Variants in CNBD1 observed in about 807,000 individuals in gnomAD.
The protein encoded by CNBD1 is cyclic nucleotide binding domain containing 1.
CNBD1 carries 71 observed loss-of-function variants against 54.4 expected under a neutral mutation model. The ratio of observed to expected loss-of-function variants is 1.30; its 90% CI spans 1.08 to 1.59. The LOEUF (loss-of-function observed/expected upper bound fraction) is 1.59, where lower values mean the gene tolerates loss of function less well. Among genes scored for constraint, CNBD1 ranks in the 40% most tolerant of loss-of-function variants. The probability of loss-of-function intolerance (pLI) is 0.00; values close to 1 mark genes in which losing one functional copy is unlikely to be tolerated. For synonymous variants in CNBD1, 182 were observed against 170.7 expected (o/e 1.07, Z -0.51); for missense variants, 659 against 518.0 (o/e 1.27, Z -2.64).
intron 2 of CNBD1, among the ~76,000 whole-genome samples, chr8:87,405,554 C>A (rs1456522072): frequency 1.3e-5 from 2 of 152,038 alleles, no homozygotes; most frequent in Non-Finnish European, 2.9e-5. Flanking sequence ...CTGCCTAAGA[C>A]AAGGTTACCA....
At chr8:86,977,892 T>C (rs1808378098) in intron 4 of CNBD1, among the ~76,000 whole-genome samples, 1 of 152,096 alleles carries the variant, frequency 6.6e-6, no homozygotes, top group Non-Finnish European at 1.5e-5. Flanking sequence ...AAGAGATGAG[T>C]ATTATCATGA....
chr8:87,039,074 A>AAAGAAAAGAGG (rs1489372597), intron 4 of CNBD1, among the ~76,000 whole-genome samples: 23 of 152,172 alleles, frequency 1.5e-4, no homozygotes, highest in African/African-American at 5.5e-4. Context: ...CAAAACTGTA[A>AAAGAAAAGAGG]TGACCTCTTT....
intron 4 of CNBD1, among the ~76,000 whole-genome samples, chr8:87,125,605 T>G (rs529903990): frequency 2.1e-4 from 32 of 152,038 alleles, no homozygotes; most frequent in African/African-American, 7.5e-4. Context: ...TTTAAATTAC[T>G]GAAGTTCCTC....
At chr8:87,235,298 C>T (rs1166754480) in intron 5 of CNBD1, among the ~76,000 whole-genome samples, 2 of 152,152 alleles carry the variant, frequency 1.3e-5, no homozygotes, top group Non-Finnish European at 2.9e-5. Flanking sequence ...TTTGCATTCA[C>T]AACTTGGCTT....
chr8:87,355,577 G>T (rs1004945476), intron 10 of CNBD1, among the ~76,000 whole-genome samples: 2 of 152,212 alleles, frequency 1.3e-5, no homozygotes, highest in East Asian at 3.9e-4. Context: ...ATGAATAGAA[G>T]CTAATAAGTT....
intron 4 of CNBD1, among the ~76,000 whole-genome samples, chr8:87,054,477 A>C (rs1329871905): frequency 6.6e-6 from 1 of 152,368 alleles, no homozygotes; most frequent in South Asian, 2.1e-4. Context: ...CCCTGTTTCA[A>C]GAAAATCACA....
At chr8:87,212,108 T>G (rs1344969767) in intron 5 of CNBD1, among the ~76,000 whole-genome samples, 1 of 152,104 alleles carries the variant, frequency 6.6e-6, no homozygotes, top group Non-Finnish European at 1.5e-5. Flanking sequence ...ATTAAGAAAT[T>G]CAGTTCAATT....
chr8:87,179,476 G>A (rs891362015), intron 4 of CNBD1, among the ~76,000 whole-genome samples: 3 of 151,850 alleles, frequency 2.0e-5, no homozygotes, highest in Non-Finnish European at 4.4e-5. Flanking sequence ...TAAATAAAAG[G>A]AAAACATGGT....
At chr8:87,307,508 C>T (rs1809180514) in intron 8 of CNBD1, among the ~76,000 whole-genome samples, 2 of 152,084 alleles carry the variant, frequency 1.3e-5, no homozygotes, top group African/African-American at 4.8e-5. Context: ...GAGGCTGAGG[C>T]AGGTGGATCA....
intron 4 of CNBD1, among the ~76,000 whole-genome samples, chr8:86,977,648 T>C (rs1327893492): frequency 6.6e-6 from 1 of 152,084 alleles, no homozygotes; most frequent in Non-Finnish European, 1.5e-5. Context: ...ATTCATCAGA[T>C]AAATTCCTGG....
chr8:87,372,737 G>A (rs1162388008), intron 10 of CNBD1, among the ~76,000 whole-genome samples: 2 of 151,724 alleles, frequency 1.3e-5, no homozygotes, highest in Non-Finnish European at 2.9e-5. Context: ...ATGTGGCAAC[G>A]TTCTTAATAA....
chr8:86,946,825 A>T (rs1387843005), intron 4 of CNBD1, among the ~76,000 whole-genome samples: 1 of 152,174 alleles, frequency 6.6e-6, no homozygotes, highest in Non-Finnish European at 1.5e-5. Flanking sequence ...GTACAAAAAT[A>T]TTACTTGCCT....
chr8:87,026,591 G>A (rs1653470826), intron 4 of CNBD1, among the ~76,000 whole-genome samples: 1 of 151,912 alleles, frequency 6.6e-6, no homozygotes, highest in Admixed American at 6.6e-5. Context: ...AAAATAACTA[G>A]TCATTTTATA....
chr8:86,911,574 CATTT>C (rs1461478294), intron 3 of CNBD1, among the ~76,000 whole-genome samples: 1 of 152,098 alleles, frequency 6.6e-6, no homozygotes. Context: ...TTACCTTAAA[CATTT>C]ATCTATGCTG....
chr8:86,966,014 C>T (rs1377313415), intron 4 of CNBD1, among the ~76,000 whole-genome samples: 1 of 152,174 alleles, frequency 6.6e-6, no homozygotes, highest in African/African-American at 2.4e-5. Flanking sequence ...TTGTCCTCTG[C>T]CCTTCTCTGG....
intron 4 of CNBD1, among the ~76,000 whole-genome samples, chr8:87,023,135 C>T (rs570473891): frequency 6.6e-6 from 1 of 152,242 alleles, no homozygotes; most frequent in African/African-American, 2.4e-5. Flanking sequence ...CTCATATGCT[C>T]CTTCTTTTTG....
chr8:87,073,620 A>T (rs1810804450), intron 4 of CNBD1, among the ~76,000 whole-genome samples: 1 of 152,024 alleles, frequency 6.6e-6, no homozygotes, highest in Admixed American at 6.6e-5. Context: ...AGTTTTTCTC[A>T]TACCCGGATG....
chr8:87,178,646 G>A (rs2130775350), intron 4 of CNBD1, among the ~76,000 whole-genome samples: 1 of 152,256 alleles, frequency 6.6e-6, no homozygotes, highest in East Asian at 1.9e-4. Flanking sequence ...ATTGAGCAAA[G>A]GTGTAAACAG....
intron 8 of CNBD1, among the ~76,000 whole-genome samples, chr8:87,317,934 C>A (rs1809432658): frequency 6.6e-6 from 1 of 151,764 alleles, no homozygotes; most frequent in African/African-American, 2.4e-5. Context: ...AGGTGAATTT[C>A]TATTGGTGTG....
Sources: gnomAD v4.1 joint callset for allele counts (sites outside exome capture counted in the v4.1 genomes callset) on GRCh38, gnomAD v4.1.1 for gene constraint, MANE v1.5 for transcripts, NCBI Gene and HGNC (gene_info 2026-07-23, HGNC 2026-07-21) for gene names.